ROBO1: variants seen among roughly 807,000 people sequenced by gnomAD.
ROBO1 encodes roundabout guidance receptor 1, also known as roundabout homolog 1.
Under a neutral mutation model 195.9 loss-of-function variants are expected in ROBO1, and 149 were observed. That is an observed-to-expected ratio of 0.76 (90% CI 0.67 to 0.87). The LOEUF is 0.87. Among genes scored for constraint, ROBO1 ranks in the 40% least tolerant of loss-of-function variants. ROBO1 has a pLI of 0.00. For missense variants in ROBO1, 1,933 were observed against 2,068.3 expected (o/e 0.93, Z 1.27); for synonymous variants, 816 against 733.2 (o/e 1.11, Z -1.82).
At chr3:79,306,603 C>A (rs1053940479) in intron 2 of ROBO1, among the ~76,000 whole-genome samples, 2 of 152,102 alleles carry the variant, frequency 1.3e-5, no homozygotes, top group Admixed American at 6.5e-5. Context: ...GCAAGCACAG[C>A]CAGTGAAAGC....
At chr3:79,757,296 G>T (rs1340269728) in intron 1 of ROBO1, among the ~76,000 whole-genome samples, 2 of 152,112 alleles carry the variant, frequency 1.3e-5, no homozygotes, top group East Asian at 3.9e-4. Flanking sequence ...ATCCGATTTT[G>T]TTTGAAGTCT....
chr3:79,432,924 G>T (rs772634165), intron 2 of ROBO1, among the ~76,000 whole-genome samples: 1 of 152,110 alleles, frequency 6.6e-6, no homozygotes. Flanking sequence ...GTCCAAAGTT[G>T]TTTCCTAAGG....
At chr3:79,669,292 C>T (rs957358518) in intron 1 of ROBO1, among the ~76,000 whole-genome samples, 1 of 151,804 alleles carries the variant, frequency 6.6e-6, no homozygotes, top group East Asian at 2.0e-4. Flanking sequence ...TGCCTTATGC[C>T]GTGATTGTGA....
intron 2 of ROBO1, among the ~76,000 whole-genome samples, chr3:79,503,370 A>T (rs368675455): frequency 1.8e-4 from 27 of 152,316 alleles, no homozygotes; most frequent in African/African-American, 6.0e-4. Flanking sequence ...GCCACCTTTA[A>T]GAACTGTGCT....
intron 4 of ROBO1, among the ~76,000 whole-genome samples, chr3:78,886,462 C>T (rs1031398649): frequency 1.3e-5 from 2 of 151,932 alleles, no homozygotes; most frequent in African/African-American, 2.4e-5. Context: ...GGTGTGTTGG[C>T]GCATGCCTGT....
chr3:78,812,887 T>A (rs1371100987), intron 4 of ROBO1, among the ~76,000 whole-genome samples: 1 of 152,134 alleles, frequency 6.6e-6, no homozygotes, highest in Non-Finnish European at 1.5e-5. Flanking sequence ...CATAATCACA[T>A]GACTGCAATT....
chr3:78,974,307 T>A (rs1373255779), intron 3 of ROBO1, among the ~76,000 whole-genome samples: 1 of 151,974 alleles, frequency 6.6e-6, no homozygotes, highest in Non-Finnish European at 1.5e-5. Context: ...TTCCAGTGAT[T>A]CAGAACTTTA....
chr3:79,527,786 C>T (rs1941492693), intron 2 of ROBO1: 1 of 20,912 alleles, frequency 4.8e-5, no homozygotes, highest in Admixed American at 3.4e-4. Flanking sequence ...TGTTTGAGTT[C>T]TCTCATTCAA....
intron 8 of ROBO1, among the ~76,000 whole-genome samples, chr3:78,693,760 G>GA (rs1272206744): frequency 2.6e-5 from 4 of 152,062 alleles, no homozygotes; most frequent in Non-Finnish European, 4.4e-5. Flanking sequence ...GATTATTTTA[G>GA]AAAAAAGAAC....
intron 2 of ROBO1, among the ~76,000 whole-genome samples, chr3:79,492,061 A>G (rs546752907): frequency 6.6e-6 from 1 of 152,194 alleles, no homozygotes; most frequent in Non-Finnish European, 1.5e-5. Context: ...TCTACAAGAT[A>G]CCCTACATGT....
intron 4 of ROBO1, among the ~76,000 whole-genome samples, chr3:78,871,739 C>T (rs1482735619): frequency 1.9e-5 from 1 of 53,774 alleles, no homozygotes; most frequent in East Asian, 4.1e-4. Context: ...TAAGCTTTCA[C>T]AGCAAAAAAA....
At chr3:79,069,021 A>G (rs951247124) in intron 3 of ROBO1, among the ~76,000 whole-genome samples, 2 of 151,718 alleles carry the variant, frequency 1.3e-5, no homozygotes, top group African/African-American at 2.4e-5. Context: ...CAAAATTTGT[A>G]TATCACCTCA....
Position 78,921,739 on chromosome 3 carries a change from A to G in ROBO1, c.499+16862T>C, listed in dbSNP as rs192436642. Among the ~76,000 whole-genome samples, 768 of 152,242 alleles carry G rather than the reference A, an allele frequency of 5.0e-3. 5 individuals carry two copies. Among genetic ancestry groups the G allele is most frequent in the African/African-American group, 0.018 (730 of 41,554 alleles). Reference sequence around the variant, plus strand: ...GAATAGTTAAAGTTTTCAAAATATTATGTACAAGGAAAACACAACACATAT... The same window carrying G: ...GAATAGTTAAAGTTTTCAAAATATTGTGTACAAGGAAAACACAACACATAT... On this transcript the variant is annotated intron_variant, in intron 4 of 30. Transcript: ENST00000464233.
chr3:79,150,760 GT>G (rs1449018793), intron 2 of ROBO1, among the ~76,000 whole-genome samples: 1 of 151,780 alleles, frequency 6.6e-6, no homozygotes, highest in East Asian at 1.9e-4. Context: ...TATGCATAGT[GT>G]CTCAAGTTTA....
intron 2 of ROBO1, among the ~76,000 whole-genome samples, chr3:79,412,425 C>A (rs2037807635): frequency 6.6e-6 from 1 of 152,094 alleles, no homozygotes; most frequent in Non-Finnish European, 1.5e-5. Flanking sequence ...CCCATCTATC[C>A]ATTCTGTAGC....
Position 79,601,034 on chromosome 3 carries a change from T to A in ROBO1, c.-50-11073A>T, listed in dbSNP as rs75722942. ...GCGGTGGTAATTTCTATTAATATAA[T>A]GTATAAACAGAGTGCTGTATTATCA... On this transcript the variant is annotated intron_variant, in intron 1 of 30. Transcript: ENST00000464233. 2.6e-5 allele frequency among the ~76,000 whole-genome samples: 4 copies of A among 152,042 alleles called. No individual in the cohort carries two copies. The South Asian group carries it at 8.3e-4, about 31-fold the overall frequency.
chr3:78,836,008 G>A (rs1319080238), intron 4 of ROBO1, among the ~76,000 whole-genome samples: 3 of 152,100 alleles, frequency 2.0e-5, no homozygotes, highest in Admixed American at 6.5e-5. Context: ...TGGGATTTTA[G>A]TAAAATCAAA....
chr3:79,199,323 G>A (rs1369707431), intron 2 of ROBO1, among the ~76,000 whole-genome samples: 1 of 151,718 alleles, frequency 6.6e-6, no homozygotes, highest in Non-Finnish European at 1.5e-5. Flanking sequence ...ATGACTAGAA[G>A]ACTCAAGACA....
chr3:78,834,050 A>G (rs2106643682), intron 4 of ROBO1, among the ~76,000 whole-genome samples: 2 of 152,256 alleles, frequency 1.3e-5, no homozygotes, highest in East Asian at 3.9e-4. Flanking sequence ...AAAGTTCAAA[A>G]TAAAGTACGG....
Sources: gnomAD v4.1 joint callset for allele counts (sites outside exome capture counted in the v4.1 genomes callset) on GRCh38, gnomAD v4.1.1 for gene constraint, MANE v1.5 for transcripts, NCBI Gene and HGNC (gene_info 2026-07-23, HGNC 2026-07-21) for gene names.